Variants in CCDC88A observed in about 807,000 individuals in gnomAD.
The protein encoded by CCDC88A is coiled-coil and HOOK domain protein 88A, also known as girdin.
Under a neutral mutation model 234.3 loss-of-function variants are expected in CCDC88A, and 54 were observed. That is an observed-to-expected ratio of 0.23 (90% CI 0.19 to 0.29). CCDC88A has a LOEUF of 0.29. CCDC88A is among the 10% of genes least tolerant of loss of function. The pLI, the probability that CCDC88A is intolerant of heterozygous loss-of-function variation, is 1.00. For missense variants in CCDC88A, 1,832 were observed against 2,123.4 expected (o/e 0.86, Z 2.70); for synonymous variants, 753 against 737.8 (o/e 1.02, Z -0.33).
chr2:55,348,113 C>T (rs576800831), intron 9 of CCDC88A, among the ~76,000 whole-genome samples: 1 of 151,950 alleles, frequency 6.6e-6, no homozygotes, highest in Admixed American at 6.6e-5. Flanking sequence ...AGGCGAGTGC[C>T]CCATTACGTG....
intron 3 of CCDC88A, among the ~76,000 whole-genome samples, chr2:55,385,074 A>G (rs928340009): frequency 6.6e-6 from 1 of 152,058 alleles, no homozygotes; most frequent in African/African-American, 2.4e-5. Flanking sequence ...AGTCCCCCCA[A>G]AAAATGAGTT....
Position 55,302,115 on chromosome 2 carries a change from A to G in CCDC88A, c.4472-43T>C, listed in dbSNP as rs376700102. 1,115 of 1,447,366 alleles carry G rather than the reference A, an allele frequency of 7.7e-4. 10 individuals are homozygous for G. The South Asian group carries it at 0.011, about 14-fold the overall frequency. 89.7% of individuals were successfully genotyped at this position (1,447,366 alleles called of 1,614,324 possible). On this transcript the variant is annotated intron_variant, in intron 26 of 32. Coordinates refer to ENST00000436346, the MANE Select transcript of CCDC88A (RefSeq NM_001365480.1). ...GCAAATGAATCAGCATGGTTAATGT[A>G]TTTGTTCTTATTTCTATTTTGTAGT...
chr2:55,324,644 C>T (rs1342711552), intron 17 of CCDC88A, among the ~76,000 whole-genome samples: 2 of 149,532 alleles, frequency 1.3e-5, no homozygotes, highest in Non-Finnish European at 2.9e-5. Context: ...GCATTATCAC[C>T]TTCTTTTTCT....
intron 3 of CCDC88A, among the ~76,000 whole-genome samples, chr2:55,386,901 C>T (rs930375742): frequency 4.6e-5 from 7 of 151,604 alleles, no homozygotes; most frequent in East Asian, 3.9e-4. Flanking sequence ...AAGGGCTGGG[C>T]GCACGGCTCA....
intron 5 of CCDC88A, among the ~76,000 whole-genome samples, chr2:55,370,489 AAATT>A (rs1457506262): frequency 1.3e-5 from 2 of 151,744 alleles, no homozygotes; most frequent in Admixed American, 1.3e-4. Flanking sequence ...TAAAAATAAA[AAATT>A]AGCCAGGTGT....
At position 55,419,453 on chromosome 2, in the gene CCDC88A, A is replaced by G. The variant is rs568185877; in HGVS notation, c.-374T>C. 2.7e-5 allele frequency: 6 copies of G among 223,578 alleles called. No homozygotes were observed. In the East Asian group the frequency reaches 7.2e-4, roughly 27 times the overall value. 13.8% of individuals were successfully genotyped at this position (223,578 alleles called of 1,614,324 possible). The stretch of plus-strand genomic sequence containing the variant: ...ATCCAGACCAGCGAAACTGCTCCCA[A>G]TGAATCAATCCCAACGGGGGCTAAA... On this transcript the variant is annotated 5_prime_UTR_variant, in exon 1 of 33. Coordinates refer to ENST00000436346, the MANE Select transcript of CCDC88A (RefSeq NM_001365480.1).
chr2:55,291,920 A>C, intron 31 of CCDC88A, 145 bp from the exon 32 acceptor site: 2 of 517,640 alleles, frequency 3.9e-6, no homozygotes, highest in Non-Finnish European at 6.8e-6. Flanking sequence ...TAGGCATCTC[A>C]ATACTTAAAG....
chr2:55,296,560 A>G (rs1291181253), intron 29 of CCDC88A, 37 bp from the exon 30 acceptor site: 2 of 1,586,806 alleles, frequency 1.3e-6, no homozygotes, highest in African/African-American at 2.7e-5. Flanking sequence ...TTTCAATAAT[A>G]GAATTGAGAT....
At chr2:55,393,672 G>T (rs1677071502) in intron 2 of CCDC88A, among the ~76,000 whole-genome samples, 1 of 151,668 alleles carries the variant, frequency 6.6e-6, no homozygotes, top group Admixed American at 6.6e-5. Flanking sequence ...ATGTTCTTGG[G>T]TTTTCTAGGT....
chr2:55,296,659 A>G, intron 29 of CCDC88A, 136 bp from the exon 30 acceptor site: 1 of 787,496 alleles, frequency 1.3e-6, no homozygotes, highest in South Asian at 1.8e-5. Context: ...AGAAATGCTT[A>G]GTAAACCATG....
intron 3 of CCDC88A, among the ~76,000 whole-genome samples, chr2:55,384,916 C>T (rs976305698): frequency 6.6e-6 from 1 of 151,882 alleles, no homozygotes; most frequent in African/African-American, 2.4e-5. Flanking sequence ...CTTGGCCTTC[C>T]AAAGTGCTGG....
In CCDC88A at chr2:55,336,717, T is replaced by C; in HGVS notation, c.1620A>G (p.Lys540=). 6.3e-7 allele frequency: 1 copy of C among 1,599,466 alleles called. No individual in the cohort carries two copies. The highest frequency in any genetic ancestry group is 8.5e-7 in the Non-Finnish European group (1 of 1,173,696). ...DLMKEKAQLE[K]TIETLRENSE... is the part of the protein sequence containing the mutation. ...AATTTTCTCTCAGTGTTTCTATTGT[T>C]TTTTCAAGCTGAGCTTTCTCCTTCA... Residue 540 remains lysine (K), a synonymous_variant, in exon 14 of 33, where the codon AAA becomes AAG. Transcript: ENST00000436346.
chr2:55,398,973 G>A (rs1289866806), intron 2 of CCDC88A, among the ~76,000 whole-genome samples: 2 of 152,080 alleles, frequency 1.3e-5, no homozygotes, highest in East Asian at 1.9e-4. Flanking sequence ...AGAATTAGTA[G>A]CTTCGGAAAA....
chr2:55,296,739 T>C (rs1680072067), intron 29 of CCDC88A: 1 of 569,138 alleles, frequency 1.8e-6, no homozygotes, highest in Non-Finnish European at 3.1e-6. Flanking sequence ...TGACAACTAT[T>C]GTAAGCTCCA....
chr2:55,389,403 C>A (rs1220959400), intron 2 of CCDC88A, among the ~76,000 whole-genome samples: 2 of 152,136 alleles, frequency 1.3e-5, no homozygotes, highest in East Asian at 1.9e-4. Flanking sequence ...AATCCTGAGG[C>A]AGCAGAAACT....
At chr2:55,374,418 T>C (rs1358759217) in intron 4 of CCDC88A, among the ~76,000 whole-genome samples, 4 of 152,110 alleles carry the variant, frequency 2.6e-5, no homozygotes, top group African/African-American at 4.8e-5. Context: ...AAACTTAAGA[T>C]TCAAACAATT....
At chr2:55,407,842 C>T (rs1189205810) in intron 2 of CCDC88A, among the ~76,000 whole-genome samples, 1 of 150,952 alleles carries the variant, frequency 6.6e-6, no homozygotes, top group East Asian at 2.0e-4. Context: ...CTCTGCCTCC[C>T]GTGTAGCTGG....
intron 7 of CCDC88A, among the ~76,000 whole-genome samples, chr2:55,358,780 A>G (rs555812151): frequency 1.2e-4 from 18 of 151,508 alleles, no homozygotes; most frequent in East Asian, 9.7e-4. Context: ...AACCCAGGGA[A>G]AAAAAAAATC....
chr2:55,381,270 A>G (rs1674548033), intron 3 of CCDC88A, among the ~76,000 whole-genome samples: 1 of 152,198 alleles, frequency 6.6e-6, no homozygotes. Context: ...TTCAGAACAT[A>G]TATTTGTTGT....
Sources: allele counts gnomAD v4.1 joint callset (sites outside exome capture counted in the v4.1 genomes callset), GRCh38; gene constraint gnomAD v4.1.1; transcripts MANE v1.5; gene names NCBI Gene and HGNC (gene_info 2026-07-23, HGNC 2026-07-21).